Variants in TMEM132D observed in about 807,000 individuals in gnomAD.
TMEM132D encodes transmembrane protein 132D.
In TMEM132D, 21 loss-of-function variants were observed where a neutral mutation model predicts 62.3. The observed-to-expected ratio is 0.34, with a 90% CI of 0.24 to 0.49. The LOEUF is 0.49. TMEM132D is among the 20% of genes least tolerant of loss of function. The probability of loss-of-function intolerance (pLI) is 0.99; values close to 1 mark genes in which losing one functional copy is unlikely to be tolerated. For missense variants in TMEM132D, 1,346 were observed against 1,402.8 expected, an observed-to-expected ratio of 0.96 and a Z score of 0.65; for synonymous variants, 621 against 575.6, an observed-to-expected ratio of 1.08 and a Z score of -1.13.
At chr12:129,095,663 TAAG>T (rs1480333129) in intron 5 of TMEM132D, among the ~76,000 whole-genome samples, 1 of 152,118 alleles carries the variant, frequency 6.6e-6, no homozygotes, top group Non-Finnish European at 1.5e-5. Flanking sequence ...GGTTTCCTTT[TAAG>T]AAGAAGAGAT....
intron 5 of TMEM132D, among the ~76,000 whole-genome samples, chr12:129,203,176 G>A (rs779377866): frequency 6.6e-6 from 1 of 152,162 alleles, no homozygotes; most frequent in Non-Finnish European, 1.5e-5. Context: ...TACAGCAGAT[G>A]CTGAACTGTA....
intron 2 of TMEM132D, among the ~76,000 whole-genome samples, chr12:129,659,378 C>G (rs1880178036): frequency 6.6e-6 from 1 of 152,210 alleles, no homozygotes; most frequent in Non-Finnish European, 1.5e-5. Context: ...TTCGATCAAG[C>G]TGCCACTCAC....
chr12:129,876,757 A>G (rs932680180), intron 1 of TMEM132D, among the ~76,000 whole-genome samples: 2 of 152,194 alleles, frequency 1.3e-5, no homozygotes, highest in African/African-American at 4.8e-5. Flanking sequence ...AGTGTCCACA[A>G]AATGGGACCT....
chr12:129,095,211 A>G (rs2135631212), intron 5 of TMEM132D, among the ~76,000 whole-genome samples: 1 of 152,214 alleles, frequency 6.6e-6, no homozygotes, highest in South Asian at 2.1e-4. Flanking sequence ...AAAAGGATGA[A>G]TAGATAAAAA....
At chr12:129,799,872 G>T (rs78400707) in intron 1 of TMEM132D, among the ~76,000 whole-genome samples, 1 of 152,038 alleles carries the variant, frequency 6.6e-6, no homozygotes, top group Admixed American at 6.6e-5. Flanking sequence ...TCTGCAGCCT[G>T]GGGGCACAGG....
In TMEM132D at chr12:129,895,818, TA is replaced by T. The variant is rs35642356; in HGVS notation, c.79+7442del. Among the ~76,000 whole-genome samples the T allele has an allele frequency of 2.3e-3, 335 of 148,328 alleles. 1 individual carries two copies. The highest frequency in any genetic ancestry group is 5.6e-3 in the Admixed American group (83 of 14,860). On this transcript the variant is annotated intron_variant, in intron 1 of 8. Transcript: ENST00000422113. Reference sequence around the variant, plus strand: ...CAAATTCTCCTGCCCTTTCCCCTAGTAAAAAAAAAAAATTACTTGGTGAAGG... The same window carrying T: ...CAAATTCTCCTGCCCTTTCCCCTAGTAAAAAAAAAAATTACTTGGTGAAGG...
At chr12:129,214,918 T>C (rs1593298842) in intron 4 of TMEM132D, among the ~76,000 whole-genome samples, 2 of 152,138 alleles carry the variant, frequency 1.3e-5, no homozygotes, top group South Asian at 4.1e-4. Flanking sequence ...CTTAAAGAGA[T>C]AAAAACAGAA....
At chr12:129,402,425 C>A (rs1467372260) in intron 3 of TMEM132D, among the ~76,000 whole-genome samples, 1 of 152,162 alleles carries the variant, frequency 6.6e-6, no homozygotes, top group Non-Finnish European at 1.5e-5. Flanking sequence ...CCCTCAGAAT[C>A]CCTCTGAAAA....
rs200938064 is a variant in TMEM132D at position 129,764,535 on chromosome 12, T to TA, written c.80-63838dup. Among the ~76,000 whole-genome samples, 135 of 151,598 alleles carry TA rather than the reference T, an allele frequency of 8.9e-4. No individual in the cohort carries two copies. In the East Asian group the frequency reaches 0.011, roughly 12 times the overall value. ...GAGAAATCAATATCACATTCCTTGT[T>TA]AAAAAAAAATGCTATTACGTGTGTG... On this transcript the variant is annotated intron_variant, in intron 1 of 8. Transcript: ENST00000422113.
At chr12:129,156,668 C>T (rs1877256459) in intron 5 of TMEM132D, among the ~76,000 whole-genome samples, 1 of 152,128 alleles carries the variant, frequency 6.6e-6, no homozygotes, top group African/African-American at 2.4e-5. Context: ...GATACCGAAT[C>T]CACTCACGAG....
At chr12:129,600,119 C>G (rs1399256401) in intron 2 of TMEM132D, among the ~76,000 whole-genome samples, 1 of 152,270 alleles carries the variant, frequency 6.6e-6, no homozygotes, top group Non-Finnish European at 1.5e-5. Context: ...TTTTCACACC[C>G]TGCTGTTGCT....
chr12:129,137,612 C>A (rs1022390438), intron 5 of TMEM132D, among the ~76,000 whole-genome samples: 2 of 152,134 alleles, frequency 1.3e-5, no homozygotes, highest in South Asian at 4.1e-4. Flanking sequence ...CTCTGTGATA[C>A]CTTCTAGACA....
chr12:129,852,640 G>A (rs1370961790), intron 1 of TMEM132D: 1 of 152,180 alleles, frequency 6.6e-6, no homozygotes, highest in African/African-American at 2.4e-5. Flanking sequence ...GTGTATTTAG[G>A]GGGCAGAGAT....
intron 1 of TMEM132D, among the ~76,000 whole-genome samples, chr12:129,774,239 G>C (rs1870848322): frequency 6.6e-6 from 1 of 152,174 alleles, no homozygotes; most frequent in Admixed American, 6.5e-5. Flanking sequence ...ATGGCCATTA[G>C]GATACATTTT....
At position 129,133,659 on chromosome 12, in the gene TMEM132D, G is replaced by A. The variant is rs138288613; in HGVS notation, c.1444-48957C>T. 3.3e-3 allele frequency among the ~76,000 whole-genome samples: 510 copies of A among 152,304 alleles called. 11 individuals are homozygous for A. The highest frequency in any genetic ancestry group is 0.024 in the East Asian group (125 of 5,186). ...CATCTGTTGCTTTTGTCTTTCTTGC[G>A]TTTATCCCAGTTATTTTTTCAGACA... On this transcript the variant is annotated intron_variant, in intron 5 of 8. Coordinates refer to ENST00000422113, the MANE Select transcript of TMEM132D (RefSeq NM_133448.3).
intron 3 of TMEM132D, among the ~76,000 whole-genome samples, chr12:129,513,844 A>AT (rs1404193518): frequency 8.5e-6 from 1 of 117,138 alleles, no homozygotes; most frequent in Admixed American, 9.1e-5. Flanking sequence ...TTATTTATTT[A>AT]TTTATTTTTT....
chr12:129,754,843 AC>A (rs2137270212), intron 1 of TMEM132D, among the ~76,000 whole-genome samples: 1 of 152,308 alleles, frequency 6.6e-6, no homozygotes, highest in South Asian at 2.1e-4. Context: ...AAACATTTCA[AC>A]TTACACTTAC....
At chr12:129,275,521 C>T (rs7955012) in intron 4 of TMEM132D, among the ~76,000 whole-genome samples, 50,672 of 151,952 alleles carry the variant, frequency 0.33, 8,499 homozygotes, top group South Asian at 0.36. Flanking sequence ...AAAACACAAA[C>T]TACACGCTCA....
intron 5 of TMEM132D, among the ~76,000 whole-genome samples, chr12:129,153,384 G>C (rs569646233): frequency 2.6e-5 from 4 of 152,136 alleles, no homozygotes; most frequent in Admixed American, 2.6e-4. Flanking sequence ...ATGAGAGATT[G>C]CGGGCCTAAA....
Sources: allele counts gnomAD v4.1 joint callset (sites outside exome capture counted in the v4.1 genomes callset), GRCh38; gene constraint gnomAD v4.1.1; transcripts MANE v1.5; gene names NCBI Gene and HGNC (gene_info 2026-07-23, HGNC 2026-07-21).